The following TRIM41 variants were observed in gnomAD, a reference collection of about 807,000 sequenced individuals.
TRIM41 encodes tripartite motif containing 41.
A neutral mutation model predicts 60.6 loss-of-function variants in TRIM41; 21 were observed. The observed-to-expected ratio is 0.35, with a 90% CI of 0.25 to 0.50. The LOEUF is 0.50. Among genes scored for constraint, TRIM41 ranks in the 20% least tolerant of loss-of-function variants. The pLI, the probability that TRIM41 is intolerant of heterozygous loss-of-function variation, is 0.98. For synonymous variants in TRIM41, 407 were observed against 344.9 expected (o/e 1.18, Z -2.00); for missense variants, 846 against 868.3 (o/e 0.97, Z 0.32).
At chr5:181,232,529 T>C (rs1758847378) in intron 2 of TRIM41, 130 bp from the exon 3 acceptor site, 1 of 840,308 alleles carries the variant, frequency 1.2e-6, no homozygotes, top group Non-Finnish European at 1.8e-6. Flanking sequence ...TGAGCCTCTT[T>C]CCGGGACTAT....
chr5:181,230,539 T>C, intron 1 of TRIM41: 1 of 279,188 alleles, frequency 3.6e-6, no homozygotes, highest in South Asian at 6.5e-5. Flanking sequence ...CACACAGGGC[T>C]TCTGCAGACG....
Position 181,232,715 on chromosome 5 carries a change from G to A in TRIM41, c.966G>A (p.Arg322=), listed in dbSNP as rs1212673375. The A allele has an allele frequency of 6.2e-7, 1 of 1,614,012 alleles. No homozygotes were observed. Among genetic ancestry groups the A allele is most frequent in the Non-Finnish European group, 8.5e-7 (1 of 1,180,040 alleles). The change falls in exon 3 of 6, where the codon CGG becomes CGA. Residue 322 remains arginine (R), a synonymous_variant. Coordinates refer to ENST00000315073, the MANE Select transcript of TRIM41 (RefSeq NM_033549.5). ...CCTCGGAGTTTGGGCGACTGACACG[G>A]TTTCTGGCTGAAGAGCAGGCAGGGC... ...AVASEFGRLT[R]FLAEEQAGLE... is the part of the protein sequence containing the mutation.
At chr5:181,224,977 GAGA>G in intron 1 of TRIM41, 165 bp downstream of exon 1, 1 of 828,276 alleles carries the variant, frequency 1.2e-6, no homozygotes, top group South Asian at 1.7e-5. Context: ...GGATTAGAAT[GAGA>G]AGGATTCTGT....
chr5:181,234,665 G>A lies in TRIM41; in HGVS notation c.1783G>A (p.Ala595Thr), dbSNP rs762120339. The A allele has an allele frequency of 5.0e-6, 8 of 1,614,220 alleles. No individual in the cohort carries two copies. Among genetic ancestry groups the A allele is most frequent in the East Asian group, 2.2e-5 (1 of 44,878 alleles). Residue 595 changes from alanine to threonine, a missense_variant, in exon 6 of 6, where the codon GCA becomes ACA. Transcript: ENST00000315073. This position sits in a 1 kb window ranked among gnomAD's most constrained non-coding sequence, Gnocchi z 5.6. The part of the protein sequence containing the change: ...YEAGRLGFYN[A>T]ETLAHVHTFS... Reference sequence around the variant, plus strand: ...AGCTGGGCGCCTGGGCTTCTACAACGCAGAGACTCTAGCCCACGTGCACAC... The same window carrying A: ...AGCTGGGCGCCTGGGCTTCTACAACACAGAGACTCTAGCCCACGTGCACAC...
intron 1 of TRIM41, chr5:181,227,716 T>C (rs1311813921): frequency 6.6e-6 from 1 of 152,202 alleles, no homozygotes; most frequent in Non-Finnish European, 1.5e-5. Flanking sequence ...AAATGTTTTG[T>C]AAAAATTTTT....
intron 1 of TRIM41, chr5:181,226,360 C>G (rs1407934569): frequency 6.6e-6 from 1 of 152,234 alleles, no homozygotes; most frequent in Non-Finnish European, 1.5e-5. Context: ...CTGTTTTGGC[C>G]TCCCAAAGTG....
At chr5:181,231,982 A>G (rs1359964870) in intron 2 of TRIM41, 9 of 152,264 alleles carry the variant, frequency 5.9e-5, no homozygotes, top group Non-Finnish European at 1.0e-4. Flanking sequence ...CTCTTAGCCC[A>G]CAAAGCATAA....
At chr5:181,231,868 C>G (rs1175072750) in intron 2 of TRIM41, 1 of 152,280 alleles carries the variant, frequency 6.6e-6, no homozygotes, top group Non-Finnish European at 1.5e-5. Context: ...GAAAAGTGTG[C>G]CTACCACCCA....
chr5:181,227,627 G>C (rs1758604935), intron 1 of TRIM41: 1 of 151,906 alleles, frequency 6.6e-6, no homozygotes, highest in Non-Finnish European at 1.5e-5. Flanking sequence ...TGGGATTACA[G>C]GCGTGAGCAC....
At chr5:181,230,351 G>A (rs1291799637) in intron 1 of TRIM41, 1 of 160,812 alleles carries the variant, frequency 6.2e-6, no homozygotes, top group Non-Finnish European at 1.4e-5. Flanking sequence ...AAAAAAATTA[G>A]CCAGGCGTGG....
intron 3 of TRIM41, 56 bp downstream of exon 3, chr5:181,232,945 GC>G (rs988362418): frequency 2.0e-6 from 3 of 1,505,332 alleles, no homozygotes; most frequent in East Asian, 4.9e-5. Context: ...GTCAGGCAGT[GC>G]TTACCAAACG....
Position 181,235,089 on chromosome 5 carries a change from G to A in TRIM41, c.*314G>A. On this transcript the variant is annotated 3_prime_UTR_variant, in exon 6 of 6. Coordinates refer to ENST00000315073, the MANE Select transcript of TRIM41 (RefSeq NM_033549.5). ...TGGGACTGGAATTTGAGTAGGGGAT[G>A]AGGGGAAATTGTAATTTCATTCCTT... is the stretch of plus-strand genomic sequence containing the variant. 1 of 1,607,476 alleles carries A rather than the reference G, an allele frequency of 6.2e-7. No homozygotes were observed. Among genetic ancestry groups the A allele is most frequent in the South Asian group, 1.1e-5 (1 of 90,702 alleles).
Position 181,235,485 on chromosome 5 carries a change from C to T in TRIM41, c.*710C>T. The T allele has an allele frequency of 6.5e-7, 1 of 1,541,262 alleles. No individual in the cohort carries two copies. The highest frequency in any genetic ancestry group is 8.8e-7 in the Non-Finnish European group (1 of 1,133,732). On this transcript the variant is annotated 3_prime_UTR_variant, in exon 6 of 6. Transcript: ENST00000315073. Reference sequence around the variant, plus strand: ...TTCTTCCCCCTTCCCTTTTCCAGCACTCAACCAAGGAGCAAAGCTCATCCC... The same window carrying T: ...TTCTTCCCCCTTCCCTTTTCCAGCATTCAACCAAGGAGCAAAGCTCATCCC...
Position 181,232,640 on chromosome 5 carries a change from C to A in TRIM41, c.910-19C>A, listed in dbSNP as rs1304887819. On this transcript the variant is annotated intron_variant, in intron 2 of 5. Transcript: ENST00000315073. Reference sequence around the variant, plus strand: ...TACGTGTTGAGGTGGTGTCTGCCATCCCCTTTGCACCATTCCAGAGCCAGA... The same window carrying A: ...TACGTGTTGAGGTGGTGTCTGCCATACCCTTTGCACCATTCCAGAGCCAGA... 6.2e-7 allele frequency: 1 copy of A among 1,603,334 alleles called. No homozygotes were observed. Among genetic ancestry groups the A allele is most frequent in the Non-Finnish European group, 8.5e-7 (1 of 1,176,614 alleles).
chr5:181,224,630 A>T lies in TRIM41; in HGVS notation c.631A>T (p.Met211Leu). 4 of 1,614,198 alleles carry T rather than the reference A, an allele frequency of 2.5e-6. No homozygotes were observed. The highest frequency in any genetic ancestry group is 3.4e-6 in the Non-Finnish European group (4 of 1,180,038). The change falls in exon 1 of 6, where the codon ATG (methionine) becomes TTG (leucine). Residue 211 changes from methionine (M) to leucine (L), a missense_variant. Physicochemically the swap from Met to Leu is conservative, Grantham distance 15. Coordinates refer to ENST00000315073, the MANE Select transcript of TRIM41 (RefSeq NM_033549.5). ...CAATATGGTCCAGGTGATTCGGCAG[A>T]TGCACCCAACCCCTGGTCGAGGGAG... ...LANMVQVIRQ[M>L]HPTPGRGSRV...
At chr5:181,226,511 A>G (rs1758559598) in intron 1 of TRIM41, 1 of 152,244 alleles carries the variant, frequency 6.6e-6, no homozygotes, top group Non-Finnish European at 1.5e-5. Flanking sequence ...GTAGGAGAAT[A>G]TCTTTAAAAA....
chr5:181,223,791 C>T lies in TRIM41; in HGVS notation c.-209C>T, dbSNP rs1758402089. The T allele has an allele frequency of 1.6e-6, 1 of 619,912 alleles. No individual in the cohort carries two copies. The highest frequency in any genetic ancestry group is 2.8e-6 in the Non-Finnish European group (1 of 354,068). 38.4% of individuals were successfully genotyped at this position (619,912 alleles called of 1,614,324 possible). A position where few individuals can be genotyped will look rare whatever the true frequency, so the allele number is the denominator to read the frequency against. ...TTGGCGGTGGCGCCCAGCACTGTCC[C>T]CTCCCCTCGTAGAGACACGGTTGTC... is the stretch of plus-strand genomic sequence containing the variant. On this transcript the variant is annotated 5_prime_UTR_variant, in exon 1 of 6. Transcript: ENST00000315073.
At chr5:181,231,489 T>C (rs1384037234) in intron 2 of TRIM41, 2 of 152,684 alleles carry the variant, frequency 1.3e-5, no homozygotes, top group Non-Finnish European at 2.9e-5. Flanking sequence ...GGGCTGGCAC[T>C]GTGAGCTTCA....
rs185410993 is a variant in TRIM41, at chr5:181,232,795, C to A, written c.1046C>A (p.Ala349Glu). The A allele has an allele frequency of 9.3e-6, 15 of 1,605,032 alleles. No individual in the cohort carries two copies. Among genetic ancestry groups the A allele is most frequent in the African/African-American group, 4.0e-5 (3 of 74,790 alleles). ...HEAQLGRAGA[A>E]ASRLAEQAAQ... ...GCCCAGCTGGGGCGTGCGGGAGCCG[C>A]GGCTAGTCGCCTTGCAGAACAGGCC... The change falls in exon 3 of 6, where the codon GCG (alanine) becomes GAG (glutamate). Residue 349 changes from alanine (A) to glutamate (E), a missense_variant. Transcript: ENST00000315073.
Sources: allele counts gnomAD v4.1 joint callset, GRCh38; gene constraint gnomAD v4.1.1; non-coding constraint Gnocchi (gnomAD v3.1); transcripts MANE v1.5; gene names NCBI Gene and HGNC (gene_info 2026-07-23, HGNC 2026-07-21).